The following GLIS3 variants were observed in gnomAD, a reference collection of about 807,000 sequenced individuals.
GLIS3 encodes the protein GLIS family zinc finger 3, also known as zinc finger protein GLIS3.
GLIS3 carries 53 observed loss-of-function variants against 78.6 expected under a neutral mutation model. The ratio of observed to expected loss-of-function variants is 0.67; its 90% CI spans 0.54 to 0.85. The LOEUF is 0.85. GLIS3 is among the 40% of genes least tolerant of loss of function. GLIS3 has a pLI of 0.00. For missense variants in GLIS3, 1,703 were observed against 1,231.1 expected (o/e 1.38, Z -5.74); for synonymous variants, 684 against 509.9 (o/e 1.34, Z -4.60).
chr9:4,236,719 G>T (rs1184670248), intron 2 of GLIS3, among the ~76,000 whole-genome samples: 1 of 152,072 alleles, frequency 6.6e-6, no homozygotes, highest in Admixed American at 6.6e-5. Context: ...CTATGTGTAA[G>T]GCAATTTTAG....
the GLIS3 span, among the ~76,000 whole-genome samples, chr9:4,435,745 G>T: frequency 2.0e-5 from 3 of 151,992 alleles, no homozygotes; most frequent in East Asian, 1.9e-4. Context: ...GTCAGGAGAT[G>T]GAGACCATCC....
At chr9:4,259,687 C>G (rs1007048842) in intron 2 of GLIS3, among the ~76,000 whole-genome samples, 1 of 152,100 alleles carries the variant, frequency 6.6e-6, no homozygotes, top group Non-Finnish European at 1.5e-5. Context: ...CTTAACCTAG[C>G]GAAGGAGGCA....
intron 7 of GLIS3, among the ~76,000 whole-genome samples, chr9:3,888,380 C>A (rs747384632): frequency 1.3e-5 from 2 of 152,192 alleles, no homozygotes; most frequent in African/African-American, 2.4e-5. Context: ...TCTACTTTCA[C>A]GTGACTTCTA....
chr9:3,884,919 G>A (rs975161391), intron 7 of GLIS3, among the ~76,000 whole-genome samples: 29 of 152,270 alleles, frequency 1.9e-4, no homozygotes, highest in African/African-American at 7.0e-4. Context: ...CACTCTGTTT[G>A]CAAAGGCTGC....
intron 2 of GLIS3, among the ~76,000 whole-genome samples, chr9:4,311,872 T>C (rs560398904): frequency 1.3e-5 from 2 of 152,144 alleles, no homozygotes; most frequent in South Asian, 2.1e-4. Context: ...ACTTAAATGA[T>C]CAAGAAAACA....
chr9:4,433,898 C>G, the GLIS3 span, among the ~76,000 whole-genome samples: 445 of 152,214 alleles, frequency 2.9e-3, 3 homozygotes, highest in African/African-American at 0.01. Flanking sequence ...AGTTAGAGAC[C>G]ATCCTGGCCA....
intron 6 of GLIS3, among the ~76,000 whole-genome samples, chr9:3,904,640 G>A (rs968428918): frequency 1.3e-5 from 2 of 152,172 alleles, no homozygotes; most frequent in African/African-American, 2.4e-5. Context: ...ACAGAAAAGG[G>A]CTGGATGTGC....
chr9:4,275,384 G>A (rs926088263), intron 2 of GLIS3, among the ~76,000 whole-genome samples: 1 of 152,108 alleles, frequency 6.6e-6, no homozygotes, highest in Non-Finnish European at 1.5e-5. Flanking sequence ...ATAGAGAGAA[G>A]GAGAAAGATT....
At chr9:4,223,732 A>T (rs1416322987) in intron 2 of GLIS3, among the ~76,000 whole-genome samples, 1 of 152,134 alleles carries the variant, frequency 6.6e-6, no homozygotes, top group Non-Finnish European at 1.5e-5. Context: ...TATGTTTCAA[A>T]ATTAAGGTTT....
intron 2 of GLIS3, among the ~76,000 whole-genome samples, chr9:4,270,717 G>C (rs533172585): frequency 6.6e-6 from 1 of 152,140 alleles, no homozygotes; most frequent in Non-Finnish European, 1.5e-5. Flanking sequence ...CCTGTGTGAC[G>C]ATCTCTGAGC....
At chr9:3,970,721 A>T (rs980088398) in intron 4 of GLIS3, among the ~76,000 whole-genome samples, 1 of 152,064 alleles carries the variant, frequency 6.6e-6, no homozygotes, top group African/African-American at 2.4e-5. Flanking sequence ...ATACACACAA[A>T]CCTCTCACTC....
At chr9:4,373,932 C>G in the GLIS3 span, among the ~76,000 whole-genome samples, 14 of 152,266 alleles carry the variant, frequency 9.2e-5, no homozygotes, top group East Asian at 2.5e-3. Flanking sequence ...TCCCACAGTG[C>G]TGGGATTACA....
At chr9:4,193,022 A>G (rs1818473181) in intron 2 of GLIS3, among the ~76,000 whole-genome samples, 1 of 152,216 alleles carries the variant, frequency 6.6e-6, no homozygotes, top group South Asian at 2.1e-4. Flanking sequence ...GAGGGAATCA[A>G]TAAGCCATTT....
At chr9:4,115,124 C>G (rs1258451874) in intron 4 of GLIS3, among the ~76,000 whole-genome samples, 1 of 152,208 alleles carries the variant, frequency 6.6e-6, no homozygotes, top group African/African-American at 2.4e-5. Flanking sequence ...TCCAGAAGCT[C>G]TTTGTGTTGC....
At chr9:4,169,157 C>T (rs1042150048) in intron 2 of GLIS3, among the ~76,000 whole-genome samples, 6 of 152,150 alleles carry the variant, frequency 3.9e-5, no homozygotes, top group Non-Finnish European at 8.8e-5. Flanking sequence ...CAACTATCAA[C>T]TGGTACTCCT....
At chr9:4,399,425 T>A in the GLIS3 span, among the ~76,000 whole-genome samples, 1 of 152,208 alleles carries the variant, frequency 6.6e-6, no homozygotes, top group East Asian at 1.9e-4. Flanking sequence ...AGTAGATAGT[T>A]TCATCCCCAT....
intron 2 of GLIS3, among the ~76,000 whole-genome samples, chr9:4,321,488 C>A (rs914834188): frequency 1.0e-4 from 12 of 115,670 alleles, no homozygotes; most frequent in Non-Finnish European, 1.9e-4. Flanking sequence ...CTGGATTAAT[C>A]ATAATCCTTG....
At chr9:3,833,847 A>C (rs1818190392) in intron 9 of GLIS3, among the ~76,000 whole-genome samples, 1 of 152,130 alleles carries the variant, frequency 6.6e-6, no homozygotes, top group Non-Finnish European at 1.5e-5. Context: ...TTCCACCTAA[A>C]CTGCAGTTCC....
At chr9:4,438,554 G>A in the GLIS3 span, among the ~76,000 whole-genome samples, 2 of 152,172 alleles carry the variant, frequency 1.3e-5, no homozygotes, top group Non-Finnish European at 2.9e-5. Flanking sequence ...TCCTGAATCT[G>A]GTGTTTTTCA....
Sources: gnomAD v4.1 joint callset for allele counts (sites outside exome capture counted in the v4.1 genomes callset) on GRCh38, gnomAD v4.1.1 for gene constraint, MANE v1.5 for transcripts, NCBI Gene and HGNC (gene_info 2026-07-23, HGNC 2026-07-21) for gene names.